The following FHL2 variants were observed in gnomAD, a reference collection of about 807,000 sequenced individuals.
FHL2 encodes the protein four and a half LIM domains 2, also known as four and a half LIM domains protein 2.
A neutral mutation model predicts 32.7 loss-of-function variants in FHL2; 20 were observed. The observed-to-expected ratio is 0.61, with a 90% confidence interval of 0.43 to 0.89. The LOEUF (loss-of-function observed/expected upper bound fraction) is 0.89, where lower values mean the gene tolerates loss of function less well. FHL2 is among the 40% of genes least tolerant of loss of function. The probability of loss-of-function intolerance (pLI) is 0.00; values close to 1 mark genes in which losing one functional copy is unlikely to be tolerated. For synonymous variants in FHL2, 123 were observed against 128.1 expected (o/e 0.96, Z 0.27); for missense variants, 311 against 358.6 (o/e 0.87, Z 1.07).
intron 2 of FHL2, among the ~76,000 whole-genome samples, chr2:105,394,352 T>C (rs1463104298): frequency 2.0e-5 from 3 of 151,802 alleles, no homozygotes; most frequent in Non-Finnish European, 4.4e-5. Context: ...CAGTGAGCTG[T>C]AGTGCTGCCA....
intron 2 of FHL2, among the ~76,000 whole-genome samples, chr2:105,388,982 G>C (rs1006198580): frequency 2.0e-5 from 3 of 152,200 alleles, no homozygotes; most frequent in African/African-American, 7.2e-5. Context: ...AAATATTGCC[G>C]CCTGGTTTGT....
rs768464093 is a variant in FHL2, at chr2:105,386,461, T to C, written c.56A>G (p.Tyr19Cys). 4.3e-6 allele frequency: 7 copies of C among 1,614,116 alleles called. No individual in the cohort carries two copies. Among genetic ancestry groups the C allele is most frequent in the African/African-American group, 4.0e-5 (3 of 74,944 alleles). ...GTAGGGGCTCTCCTCCCGCAGGATG[T>C]ACTTCTTGCCAAAGAGAGATTCGTT... ...HCNESLFGKKYILREESPYCV... is the reference protein window; with the variant it reads ...HCNESLFGKKCILREESPYCV... The change falls in exon 3 of 7, where the codon TAC becomes TGC. Residue 19 changes from tyrosine (Y) to cysteine (C), a missense_variant. Transcript: ENST00000530340.
upstream of FHL2, among the ~76,000 whole-genome samples, chr2:105,402,075 GTA>G (rs1045502587): frequency 1.4e-5 from 2 of 146,110 alleles, no homozygotes; most frequent in Non-Finnish European, 3.0e-5. Flanking sequence ...ACATATACAT[GTA>G]TATATGTGTA....
intron 2 of FHL2, among the ~76,000 whole-genome samples, chr2:105,387,282 T>C (rs546413382): frequency 6.6e-6 from 1 of 152,316 alleles, no homozygotes; most frequent in African/African-American, 2.4e-5. Context: ...CTCCTCTTTA[T>C]GATTCATGAT....
In FHL2 at chr2:105,409,214, G is replaced by T. The variant is rs2104653081; in HGVS notation, c.-24-22674C>A. Among the ~76,000 whole-genome samples the T allele has an allele frequency of 1.3e-5, 2 of 152,336 alleles. 1 individual carries two copies. The highest frequency in any genetic ancestry group is 4.1e-4 in the South Asian group (2 of 4,824). ...GAGGGAAAGAAAGAGACTATGGGGA[G>T]AGCAAGCCAAAGGAAGTTTTTGTTG... On this transcript the variant is annotated intron_variant, in intron 1 of 5. Transcript: ENST00000393352.
chr2:105,426,764 T>C (rs1344350173), intron 1 of FHL2, among the ~76,000 whole-genome samples: 1 of 152,176 alleles, frequency 6.6e-6, no homozygotes, highest in Non-Finnish European at 1.5e-5. Flanking sequence ...CACCCAGCAC[T>C]CCCACACTTA....
intron 1 of FHL2, among the ~76,000 whole-genome samples, chr2:105,422,977 TC>T (rs771250474): frequency 3.7e-4 from 56 of 152,156 alleles, no homozygotes; most frequent in Non-Finnish European, 6.6e-4. Flanking sequence ...TCTTTCCTTT[TC>T]CTGCAGCTCA....
At chr2:105,364,804 A>C (rs185428497) in intron 5 of FHL2, among the ~76,000 whole-genome samples, 33 of 152,334 alleles carry the variant, frequency 2.2e-4, no homozygotes, top group African/African-American at 7.7e-4. Flanking sequence ...TGGATGAGTA[A>C]ACTGAGACTC....
At chr2:105,399,211 C>T (rs755938746), upstream of FHL2, 483 of 1,519,512 alleles carry the variant, frequency 3.2e-4, 3 homozygotes, top group Non-Finnish European at 3.5e-4. Context: ...TGCGGCGGTC[C>T]CGGCCCGTAC....
At chr2:105,376,478 A>T (rs948170550) in intron 3 of FHL2, 1 of 152,258 alleles carries the variant, frequency 6.6e-6, no homozygotes, top group Non-Finnish European at 1.5e-5. Context: ...ACAAATCATT[A>T]GAAGCCCTAT....
At chr2:105,414,103 CA>C (rs1440773065) in intron 1 of FHL2, among the ~76,000 whole-genome samples, 1 of 152,154 alleles carries the variant, frequency 6.6e-6, no homozygotes, top group Non-Finnish European at 1.5e-5. Context: ...TTTGGTAGAG[CA>C]GCTCACAGAA....
At chr2:105,428,794 G>A (rs1037268120) in intron 1 of FHL2, among the ~76,000 whole-genome samples, 13 of 152,306 alleles carry the variant, frequency 8.5e-5, no homozygotes, top group African/African-American at 3.1e-4. Flanking sequence ...TCCTCTTACT[G>A]TGGGGATCCT....
At chr2:105,372,553 A>G (rs1446145184) in intron 4 of FHL2, among the ~76,000 whole-genome samples, 3 of 152,068 alleles carry the variant, frequency 2.0e-5, no homozygotes, top group African/African-American at 7.2e-5. Context: ...ACTATTTCCC[A>G]TATGTCAGTC....
chr2:105,423,923 C>T (rs1263699944), intron 1 of FHL2, among the ~76,000 whole-genome samples: 1 of 152,150 alleles, frequency 6.6e-6, no homozygotes, highest in African/African-American at 2.4e-5. Flanking sequence ...CATAAAAACC[C>T]TAGAAGAAAA....
At chr2:105,364,020 G>T (rs945876127) in intron 5 of FHL2, among the ~76,000 whole-genome samples, 1 of 152,178 alleles carries the variant, frequency 6.6e-6, no homozygotes, top group African/African-American at 2.4e-5. Flanking sequence ...ACTTTGGGAG[G>T]CCGAGGCAGG....
chr2:105,411,232 G>A, intron 1 of FHL2, among the ~76,000 whole-genome samples: 1 of 152,142 alleles, frequency 6.6e-6, no homozygotes, highest in East Asian at 1.9e-4. Flanking sequence ...GTCCTAAACT[G>A]TAGATGCATT....
At chr2:105,407,037 A>G (rs941003542) in intron 1 of FHL2, among the ~76,000 whole-genome samples, 8 of 152,216 alleles carry the variant, frequency 5.3e-5, no homozygotes, top group Admixed American at 2.0e-4. Context: ...AGACATTTGA[A>G]TCTGTGTTCA....
Position 105,430,624 on chromosome 2 carries a change from C to T in FHL2, c.-25+7775G>A, listed in dbSNP as rs185996051. 5.2e-4 allele frequency among the ~76,000 whole-genome samples: 79 copies of T among 152,282 alleles called. 1 individual carries two copies. The East Asian group carries it at 0.012, about 23-fold the overall frequency. ...TAGAGGTTGAAGTGAGCTGAGATCG[C>T]GCCACTGCACTCCAGCCTGGGCAAC... On this transcript the variant is annotated intron_variant, in intron 1 of 5. Transcript: ENST00000393352.
At chr2:105,399,170 G>T (rs1459729106), upstream of FHL2, 4 of 1,393,754 alleles carry the variant, frequency 2.9e-6, no homozygotes, top group Non-Finnish European at 3.7e-6. Flanking sequence ...GCGCCCCCAG[G>T]CCTCGCGGTT....
Sources: allele counts gnomAD v4.1 joint callset (sites outside exome capture counted in the v4.1 genomes callset), GRCh38; gene constraint gnomAD v4.1.1; transcripts MANE v1.5; gene names NCBI Gene and HGNC (gene_info 2026-07-23, HGNC 2026-07-21).